RAB38: variants seen among roughly 807,000 people sequenced by gnomAD.
RAB38 encodes the protein RAB38, member RAS oncogene family.
A neutral mutation model predicts 18.4 loss-of-function variants in RAB38; 15 were observed. The observed-to-expected ratio is 0.82, with a 90% CI of 0.55 to 1.26. The LOEUF is 1.26. RAB38 is among the 50% of genes most tolerant of loss of function. The pLI is 0.00. For synonymous variants in RAB38, 101 were observed against 104.4 expected (o/e 0.97, Z 0.20); for missense variants, 294 against 267.4 (o/e 1.10, Z -0.69).
chr11:88,142,713 G>A (rs1286959463), intron 2 of RAB38, among the ~76,000 whole-genome samples: 2 of 152,178 alleles, frequency 1.3e-5, no homozygotes, highest in Admixed American at 1.3e-4. Flanking sequence ...TGGGCAAAAT[G>A]AAATACAGAC....
At chr11:88,097,282 C>T in the RAB38 span, among the ~76,000 whole-genome samples, 8 of 151,984 alleles carry the variant, frequency 5.3e-5, no homozygotes, top group Middle Eastern at 3.4e-3. Context: ...TTCAATCAGA[C>T]AACCAGCAAG....
chr11:88,086,062 A>G, the RAB38 span, among the ~76,000 whole-genome samples: 8 of 151,868 alleles, frequency 5.3e-5, no homozygotes, highest in African/African-American at 1.7e-4. Context: ...TCTAAGCTTC[A>G]ATTTCTTCAA....
chr11:88,069,242 C>T, the RAB38 span, among the ~76,000 whole-genome samples: 1 of 152,214 alleles, frequency 6.6e-6, no homozygotes, highest in Non-Finnish European at 1.5e-5. Context: ...TGCCAGCCCA[C>T]CCGTGCTGTG....
chr11:87,938,792 TATA>T, the RAB38 span, among the ~76,000 whole-genome samples: 1 of 151,968 alleles, frequency 6.6e-6, no homozygotes, highest in East Asian at 1.9e-4. Context: ...AAGTAAACCC[TATA>T]ATTCACCACT....
chr11:88,059,929 C>G, the RAB38 span, among the ~76,000 whole-genome samples: 4 of 152,180 alleles, frequency 2.6e-5, no homozygotes, highest in African/African-American at 7.2e-5. Flanking sequence ...TCATAGTCTC[C>G]TTTGGAGGCT....
At chr11:88,068,529 T>C in the RAB38 span, among the ~76,000 whole-genome samples, 1 of 152,208 alleles carries the variant, frequency 6.6e-6, no homozygotes, top group Non-Finnish European at 1.5e-5. Context: ...ATTTACACTA[T>C]ACATTTCTTT....
At chr11:87,936,972 T>C in the RAB38 span, among the ~76,000 whole-genome samples, 1 of 152,038 alleles carries the variant, frequency 6.6e-6, no homozygotes, top group African/African-American at 2.4e-5. Flanking sequence ...TTTCTTTCCT[T>C]GCCTTACTAC....
chr11:88,151,715 G>C (rs1943064907), intron 1 of RAB38, among the ~76,000 whole-genome samples: 2 of 152,130 alleles, frequency 1.3e-5, no homozygotes, highest in South Asian at 4.1e-4. Context: ...ATAATGGTAA[G>C]TTTTAATTCA....
chr11:87,836,699 G>A, the RAB38 span, among the ~76,000 whole-genome samples: 37,884 of 151,998 alleles, frequency 0.25, 5,900 homozygotes, highest in African/African-American at 0.44. Flanking sequence ...AAAGCACAGG[G>A]ATTTTGTGGC....
chr11:87,859,315 C>A, the RAB38 span, among the ~76,000 whole-genome samples: 1 of 151,690 alleles, frequency 6.6e-6, no homozygotes, highest in African/African-American at 2.4e-5. Flanking sequence ...CTTGGTATGA[C>A]TAGTTATAAA....
intron 2 of RAB38, among the ~76,000 whole-genome samples, chr11:88,131,528 T>C (rs2134796004): frequency 6.6e-6 from 1 of 152,382 alleles, no homozygotes; most frequent in South Asian, 2.1e-4. Context: ...AGAAGTCTAC[T>C]AAGTAGGGTT....
the RAB38 span, among the ~76,000 whole-genome samples, chr11:88,106,929 A>G: frequency 6.6e-6 from 1 of 152,184 alleles, no homozygotes; most frequent in African/African-American, 2.4e-5. Context: ...GGAACATCTG[A>G]GAGCAAGTCA....
the RAB38 span, among the ~76,000 whole-genome samples, chr11:87,936,244 G>T: frequency 2.6e-5 from 4 of 151,748 alleles, no homozygotes; most frequent in Non-Finnish European, 5.9e-5. Flanking sequence ...TTTTTCTTAT[G>T]TTTTTATTCT....
the RAB38 span, among the ~76,000 whole-genome samples, chr11:87,884,111 A>T: frequency 3.3e-5 from 5 of 152,104 alleles, no homozygotes; most frequent in East Asian, 7.8e-4. Context: ...AATTTCTGAC[A>T]TAAATGGTCT....
At chr11:88,063,758 C>G in the RAB38 span, among the ~76,000 whole-genome samples, 3 of 152,182 alleles carry the variant, frequency 2.0e-5, no homozygotes, top group Admixed American at 1.3e-4. Context: ...AGCACATGCT[C>G]TCTTGCCTGC....
chr11:87,928,026 T>G, the RAB38 span, among the ~76,000 whole-genome samples: 1 of 151,890 alleles, frequency 6.6e-6, no homozygotes, highest in African/African-American at 2.4e-5. Flanking sequence ...TGCAGTGAGC[T>G]ATGATTGTAT....
chr11:88,051,480 TGGAACAATAGACAACCCCCACAGAA>T, the RAB38 span, among the ~76,000 whole-genome samples: 2 of 150,930 alleles, frequency 1.3e-5, no homozygotes, highest in African/African-American at 4.9e-5. Flanking sequence ...CAACTGACAT[TGGAACAATAGACAACCCCCACAGAA>T]GGTGAAACTG....
chr11:88,123,922 T>C (rs1266175118), intron 2 of RAB38, among the ~76,000 whole-genome samples: 1 of 152,218 alleles, frequency 6.6e-6, no homozygotes, highest in Non-Finnish European at 1.5e-5. Context: ...CTTAACAAAT[T>C]CATTTCTCTC....
downstream of RAB38, among the ~76,000 whole-genome samples, chr11:88,110,396 T>C (rs1256816452): frequency 2.6e-5 from 4 of 152,100 alleles, no homozygotes; most frequent in South Asian, 6.2e-4. Flanking sequence ...AGGGAAGGGA[T>C]AGCATTAGGA....
Sources: allele counts gnomAD v4.1 joint callset (sites outside exome capture counted in the v4.1 genomes callset), GRCh38; gene constraint gnomAD v4.1.1; transcripts MANE v1.5; gene names NCBI Gene and HGNC (gene_info 2026-07-23, HGNC 2026-07-21).